Variants in AGBL1 observed in about 807,000 individuals in gnomAD.
The protein encoded by AGBL1 is cytosolic carboxypeptidase 4.
In AGBL1, 130 loss-of-function variants were observed where a neutral mutation model predicts 118.9. The ratio of observed to expected loss-of-function variants is 1.09; its 90% CI spans 0.95 to 1.26. AGBL1 has a LOEUF of 1.26. Ranked by LOEUF, AGBL1 falls within the 50% of genes most tolerant of loss-of-function variation. The probability of loss-of-function intolerance (pLI) is 0.00; values close to 1 mark genes in which losing one functional copy is unlikely to be tolerated. For synonymous variants in AGBL1, 555 were observed against 478.9 expected, an observed-to-expected ratio of 1.16 and a Z score of -2.08; for missense variants, 1,584 against 1,298.1, an observed-to-expected ratio of 1.22 and a Z score of -3.38.
chr15:86,809,790 A>C (rs2078763967), intron 22 of AGBL1, among the ~76,000 whole-genome samples: 1 of 152,154 alleles, frequency 6.6e-6, no homozygotes, highest in Non-Finnish European at 1.5e-5. Context: ...ACACGTTTTC[A>C]ATGTAAGGTT....
chr15:86,555,560 G>C (rs2142273238), intron 21 of AGBL1, among the ~76,000 whole-genome samples: 1 of 152,260 alleles, frequency 6.6e-6, no homozygotes, highest in African/African-American at 2.4e-5. Context: ...CTAAAGACTT[G>C]TTTCAAATAA....
chr15:86,670,325 C>T (rs188502606), intron 21 of AGBL1, among the ~76,000 whole-genome samples: 7 of 151,924 alleles, frequency 4.6e-5, no homozygotes, highest in Admixed American at 2.0e-4. Context: ...AAATAAAGGC[C>T]GGGTGCGGTG....
chr15:86,458,725 A>C (rs1301676461), intron 18 of AGBL1, among the ~76,000 whole-genome samples: 1 of 152,134 alleles, frequency 6.6e-6, no homozygotes, highest in African/African-American at 2.4e-5. Flanking sequence ...GAGCTCACCA[A>C]AGGCACACCA....
At chr15:86,315,534 T>C (rs896133437) in intron 17 of AGBL1, among the ~76,000 whole-genome samples, 3 of 151,734 alleles carry the variant, frequency 2.0e-5, no homozygotes, top group Admixed American at 1.3e-4. Flanking sequence ...ACCAACATGG[T>C]GAAACCCCGT....
At chr15:86,502,460 C>T (rs1171146115) in intron 18 of AGBL1, among the ~76,000 whole-genome samples, 4 of 151,390 alleles carry the variant, frequency 2.6e-5, no homozygotes, top group Admixed American at 6.6e-5. Context: ...CTAGGATCCA[C>T]AATACAATGT....
intron 17 of AGBL1, among the ~76,000 whole-genome samples, chr15:86,302,075 GA>G (rs746549817): frequency 6.5e-4 from 99 of 152,022 alleles, no homozygotes; most frequent in Admixed American, 1.2e-3. Context: ...CAAGCTGTGT[GA>G]CATCGAGGAT....
intron 22 of AGBL1, among the ~76,000 whole-genome samples, chr15:86,901,662 C>A (rs1330861324): frequency 6.6e-6 from 1 of 151,956 alleles, no homozygotes; most frequent in African/African-American, 2.4e-5. Context: ...ATTTGGTCTT[C>A]TAGTTACATT....
chr15:86,093,551 C>A (rs1003869338), intron 1 of AGBL1, among the ~76,000 whole-genome samples: 1 of 152,108 alleles, frequency 6.6e-6, no homozygotes, highest in Non-Finnish European at 1.5e-5. Flanking sequence ...CAGTGAACTA[C>A]AATCTACAAG....
chr15:86,770,724 G>A (rs1445588342), intron 22 of AGBL1, among the ~76,000 whole-genome samples: 1 of 151,910 alleles, frequency 6.6e-6, no homozygotes, highest in African/African-American at 2.4e-5. Flanking sequence ...TCACGGGCTG[G>A]GGCATGGAGC....
At chr15:86,407,527 T>C (rs1285169635) in intron 18 of AGBL1, among the ~76,000 whole-genome samples, 4 of 152,178 alleles carry the variant, frequency 2.6e-5, no homozygotes, top group Admixed American at 1.3e-4. Flanking sequence ...AATGTGGCCC[T>C]CCAGGTAAGG....
At chr15:86,842,112 T>C (rs2079254307) in intron 22 of AGBL1, among the ~76,000 whole-genome samples, 1 of 152,008 alleles carries the variant, frequency 6.6e-6, no homozygotes, top group South Asian at 2.1e-4. Flanking sequence ...ACAATCTAAA[T>C]TCTTACCTAG....
intron 22 of AGBL1, among the ~76,000 whole-genome samples, chr15:86,826,472 C>T (rs1048963168): frequency 6.6e-6 from 1 of 152,078 alleles, no homozygotes; most frequent in African/African-American, 2.4e-5. Context: ...TTCCAGAAAA[C>T]ACTCCTTTCA....
chr15:86,509,070 A>G (rs1000589141), intron 18 of AGBL1, among the ~76,000 whole-genome samples: 1 of 152,206 alleles, frequency 6.6e-6, no homozygotes. Context: ...ACAAAGTTAA[A>G]TAACTTGGTC....
chr15:86,825,412 AAAAAAAAAAAAG>A (rs1408128983), intron 22 of AGBL1, among the ~76,000 whole-genome samples: 1 of 139,874 alleles, frequency 7.1e-6, no homozygotes, highest in East Asian at 2.0e-4. Context: ...AAAAAAAAAA[AAAAAAAAAAAAG>A]GTTGCAAGCC....
intron 24 of AGBL1, among the ~76,000 whole-genome samples, chr15:87,022,224 A>G (rs1476625218): frequency 6.6e-6 from 1 of 152,088 alleles, no homozygotes; most frequent in African/African-American, 2.4e-5. Flanking sequence ...AAGGAACCAG[A>G]AAACCAACTC....
intron 21 of AGBL1, among the ~76,000 whole-genome samples, chr15:86,614,012 T>C (rs1434991170): frequency 1.3e-5 from 2 of 152,154 alleles, no homozygotes; most frequent in Non-Finnish European, 2.9e-5. Context: ...AAGAAACTTA[T>C]CCCGCTGAGT....
intron 22 of AGBL1, among the ~76,000 whole-genome samples, chr15:86,719,340 C>T (rs1324056801): frequency 1.3e-5 from 2 of 152,014 alleles, no homozygotes; most frequent in African/African-American, 4.8e-5. Context: ...ACCTTACATA[C>T]AATAGTAAGT....
At chr15:86,993,932 T>G (rs910056135) in intron 24 of AGBL1, among the ~76,000 whole-genome samples, 1 of 152,146 alleles carries the variant, frequency 6.6e-6, no homozygotes, top group Non-Finnish European at 1.5e-5. Context: ...ATTAGAGATA[T>G]TGATCCAAAC....
intron 22 of AGBL1, among the ~76,000 whole-genome samples, chr15:86,750,835 A>G (rs939645166): frequency 7.2e-5 from 11 of 151,742 alleles, no homozygotes; most frequent in Admixed American, 3.9e-4. Flanking sequence ...TTGTTCCCCT[A>G]TATGTTCATG....
Sources: gnomAD v4.1 joint callset for allele counts (sites outside exome capture counted in the v4.1 genomes callset) on GRCh38, gnomAD v4.1.1 for gene constraint, MANE v1.5 for transcripts, NCBI Gene and HGNC (gene_info 2026-07-23, HGNC 2026-07-21) for gene names.